Variants in CNTN3 observed in about 807,000 individuals in gnomAD.
The protein encoded by CNTN3 is contactin-3.
In CNTN3, 60 loss-of-function variants were observed where a neutral mutation model predicts 119.1. That is an observed-to-expected ratio of 0.50 (90% CI 0.41 to 0.62). CNTN3 has a LOEUF of 0.62. CNTN3 is among the 20% of genes least tolerant of loss of function. The pLI is 0.00. For synonymous variants in CNTN3, 450 were observed against 438.7 expected (o/e 1.03, Z -0.32); for missense variants, 1,101 against 1,242.4 (o/e 0.89, Z 1.71).
intron 11 of CNTN3, among the ~76,000 whole-genome samples, chr3:74,344,486 C>T (rs946885614): frequency 3.1e-4 from 44 of 141,876 alleles, no homozygotes; most frequent in African/African-American, 1.1e-3. Flanking sequence ...AGTACAGTGG[C>T]GCGATCTGGG....
intron 1 of CNTN3, among the ~76,000 whole-genome samples, chr3:74,577,594 GT>G (rs1704439056): frequency 6.6e-6 from 1 of 151,960 alleles, no homozygotes. Flanking sequence ...ACATCCATAT[GT>G]TCTCATTCAC....
At chr3:74,295,260 TATG>T in intron 18 of CNTN3, 24 bp from the exon 19 acceptor site, 2 of 1,336,148 alleles carry the variant, frequency 1.5e-6, no homozygotes, top group Non-Finnish European at 2.1e-6. Flanking sequence ...GAAATTGAAA[TATG>T]ATGATAATTT....
chr3:74,437,638 C>T (rs549600465), intron 4 of CNTN3, among the ~76,000 whole-genome samples: 13 of 152,188 alleles, frequency 8.5e-5, no homozygotes, highest in African/African-American at 3.1e-4. Flanking sequence ...ACTGAAGAGT[C>T]AACTAAATCT....
chr3:74,598,697 A>T (rs1357288593), intron 1 of CNTN3, among the ~76,000 whole-genome samples: 2 of 152,070 alleles, frequency 1.3e-5, no homozygotes, highest in Non-Finnish European at 2.9e-5. Context: ...ATACTTCCTG[A>T]GACATCTACT....
intron 4 of CNTN3, among the ~76,000 whole-genome samples, chr3:74,469,798 TAAA>T (rs769217040): frequency 1.3e-5 from 2 of 152,154 alleles, no homozygotes; most frequent in African/African-American, 2.4e-5. Flanking sequence ...GCCGTTTACT[TAAA>T]AACGTTAAAT....
intron 13 of CNTN3, among the ~76,000 whole-genome samples, chr3:74,319,249 T>C (rs1043097790): frequency 4.6e-5 from 7 of 152,156 alleles, no homozygotes; most frequent in South Asian, 2.1e-4. Flanking sequence ...GGCATCACGC[T>C]ACCTGACTTC....
chr3:74,580,493 A>C (rs1704487017), intron 1 of CNTN3, among the ~76,000 whole-genome samples: 1 of 152,128 alleles, frequency 6.6e-6, no homozygotes, highest in African/African-American at 2.4e-5. Flanking sequence ...AGTCCTAAAA[A>C]ATACAAAATT....
At chr3:74,299,534 C>T (rs1327899599) in intron 17 of CNTN3, among the ~76,000 whole-genome samples, 1 of 152,166 alleles carries the variant, frequency 6.6e-6, no homozygotes, top group African/African-American at 2.4e-5. Context: ...TGACCCTGAG[C>T]AAATTATTTC....
intron 2 of CNTN3, among the ~76,000 whole-genome samples, chr3:74,518,549 C>T (rs1231203610): frequency 6.6e-6 from 1 of 151,920 alleles, no homozygotes; most frequent in Non-Finnish European, 1.5e-5. Context: ...ACACCACAAA[C>T]TCACAAAGTT....
intron 1 of CNTN3, among the ~76,000 whole-genome samples, chr3:74,580,109 T>C (rs973436048): frequency 1.3e-5 from 2 of 152,178 alleles, no homozygotes; most frequent in Non-Finnish European, 2.9e-5. Context: ...ACAATAATTA[T>C]ACATTATCGG....
intron 1 of CNTN3, among the ~76,000 whole-genome samples, chr3:74,562,701 T>C (rs1401293857): frequency 1.3e-5 from 2 of 152,156 alleles, no homozygotes; most frequent in Non-Finnish European, 1.5e-5. Context: ...GGATGCTTTA[T>C]GTTAACACAC....
intron 1 of CNTN3, among the ~76,000 whole-genome samples, chr3:74,529,631 A>G (rs894757980): frequency 2.0e-5 from 3 of 151,972 alleles, no homozygotes; most frequent in Admixed American, 6.6e-5. Flanking sequence ...TTATTACACT[A>G]GTGTTCACAG....
chr3:74,396,781 AG>A (rs1358385226), intron 5 of CNTN3, among the ~76,000 whole-genome samples: 1 of 145,308 alleles, frequency 6.9e-6, no homozygotes, highest in African/African-American at 2.5e-5. Flanking sequence ...GAGAAAAGTG[AG>A]GGAGCTGTAG....
chr3:74,437,931 A>G (rs992861410), intron 4 of CNTN3, among the ~76,000 whole-genome samples: 1 of 152,218 alleles, frequency 6.6e-6, no homozygotes, highest in Admixed American at 6.5e-5. Flanking sequence ...AACATTATCA[A>G]ATAAAGAAAG....
chr3:74,570,680 C>T (rs1704299485), intron 1 of CNTN3, among the ~76,000 whole-genome samples: 1 of 152,068 alleles, frequency 6.6e-6, no homozygotes, highest in Admixed American at 6.6e-5. Flanking sequence ...CATATTAACT[C>T]TTTGGCTCTT....
chr3:74,603,269 A>G (rs1373802287), intron 1 of CNTN3, among the ~76,000 whole-genome samples: 2 of 152,160 alleles, frequency 1.3e-5, no homozygotes, highest in Non-Finnish European at 2.9e-5. Context: ...GGCAAAGGGA[A>G]ATTCCCAGTG....
At chr3:74,531,478 T>C (rs911812882) in intron 1 of CNTN3, among the ~76,000 whole-genome samples, 4 of 151,922 alleles carry the variant, frequency 2.6e-5, no homozygotes, top group Admixed American at 6.6e-5. Context: ...GCATCTGAGG[T>C]AATTCTTAGA....
At chr3:74,554,779 C>T (rs1277163943) in intron 1 of CNTN3, among the ~76,000 whole-genome samples, 1 of 152,178 alleles carries the variant, frequency 6.6e-6, no homozygotes, top group African/African-American at 2.4e-5. Context: ...TGAGACTTTG[C>T]TGAAGTTGCT....
intron 11 of CNTN3, among the ~76,000 whole-genome samples, chr3:74,356,145 A>G (rs918219819): frequency 6.6e-6 from 1 of 152,044 alleles, no homozygotes; most frequent in African/African-American, 2.4e-5. Context: ...CTACCATGTG[A>G]GGATGCAGCA....
Sources: allele counts gnomAD v4.1 joint callset (sites outside exome capture counted in the v4.1 genomes callset), GRCh38; gene constraint gnomAD v4.1.1; transcripts MANE v1.5; gene names NCBI Gene and HGNC (gene_info 2026-07-23, HGNC 2026-07-21).